ASRGL1: variants seen among roughly 807,000 people sequenced by gnomAD.
ASRGL1 encodes the protein isoaspartyl peptidase/L-asparaginase.
Under a neutral mutation model 22.4 loss-of-function variants are expected in ASRGL1, and 16 were observed. The ratio of observed to expected loss-of-function variants is 0.71; its 90% CI spans 0.48 to 1.08. The LOEUF is 1.08. Ranked by LOEUF, ASRGL1 falls within the 50% of genes least tolerant of loss-of-function variation. The probability of loss-of-function intolerance (pLI) is 0.00; values close to 1 mark genes in which losing one functional copy is unlikely to be tolerated. For synonymous variants in ASRGL1, 165 were observed against 159.3 expected, an observed-to-expected ratio of 1.04 and a Z score of -0.27; for missense variants, 412 against 410.1, an observed-to-expected ratio of 1.00 and a Z score of -0.04.
intron 4 of ASRGL1, among the ~76,000 whole-genome samples, chr11:62,375,695 A>G (rs1946908408): frequency 6.6e-6 from 1 of 151,660 alleles, no homozygotes; most frequent in South Asian, 2.1e-4. Context: ...ATATTTCAGT[A>G]GGATTATCCA....
intron 4 of ASRGL1, chr11:62,372,288 G>A: frequency 6.2e-7 from 1 of 1,602,004 alleles, no homozygotes; most frequent in African/African-American, 1.3e-5. Context: ...GTTTGCGTTT[G>A]GGGAAAACAA....
chr11:62,365,916 G>T (rs1047222447), intron 4 of ASRGL1, among the ~76,000 whole-genome samples: 1 of 151,740 alleles, frequency 6.6e-6, no homozygotes, highest in Non-Finnish European at 1.5e-5. Context: ...ATTGTGAGAT[G>T]ATAGGTATGT....
chr11:62,362,815 C>T (rs1420707984), intron 4 of ASRGL1, among the ~76,000 whole-genome samples: 1 of 72,026 alleles, frequency 1.4e-5, no homozygotes, highest in Non-Finnish European at 2.5e-5. Flanking sequence ...ATCTGACATA[C>T]ACACACACAC....
intron 2 of ASRGL1, among the ~76,000 whole-genome samples, chr11:62,355,407 A>T (rs894776721): frequency 4.2e-4 from 63 of 150,678 alleles, no homozygotes; most frequent in African/African-American, 1.5e-3. Flanking sequence ...TTGGATTTTT[A>T]GTAGAGACGG....
intron 4 of ASRGL1, among the ~76,000 whole-genome samples, chr11:62,358,490 A>G (rs1946359159): frequency 6.6e-6 from 1 of 151,648 alleles, no homozygotes; most frequent in African/African-American, 2.4e-5. Flanking sequence ...TGCATGATTT[A>G]CGTTCATTTT....
chr11:62,382,891 G>A (rs1947107196), intron 4 of ASRGL1: 1 of 152,160 alleles, frequency 6.6e-6, no homozygotes, highest in South Asian at 2.1e-4. Flanking sequence ...TTTTAACAAA[G>A]CACAGCCTGC....
At chr11:62,348,911 C>T (rs1037493206) in intron 2 of ASRGL1, among the ~76,000 whole-genome samples, 1 of 151,978 alleles carries the variant, frequency 6.6e-6, no homozygotes, top group Non-Finnish European at 1.5e-5. Flanking sequence ...GTGTCTACAC[C>T]TCATTAGAAT....
chr11:62,365,368 A>C (rs984245858), intron 4 of ASRGL1, among the ~76,000 whole-genome samples: 4 of 151,836 alleles, frequency 2.6e-5, no homozygotes, highest in Admixed American at 2.0e-4. Flanking sequence ...AGCCTGGCCA[A>C]CATGGTGAAA....
At position 62,384,226 on chromosome 11, in the gene ASRGL1, C is replaced by T. The variant is rs563402168; in HGVS notation, c.492-4907C>T. On this transcript the variant is annotated intron_variant, in intron 4 of 6. Transcript: ENST00000415229. ...TCCGTCTCAAAAACAAAAAAAAGTC[C>T]GGGCGCAGTGGCTCACACCTTTAAT... is the stretch of plus-strand genomic sequence containing the variant. Among the ~76,000 whole-genome samples the T allele has an allele frequency of 2.3e-4, 35 of 152,044 alleles. No homozygotes were observed. In the South Asian group the frequency reaches 4.4e-3, roughly 19 times the overall value.
intron 2 of ASRGL1, among the ~76,000 whole-genome samples, chr11:62,355,517 C>T (rs1946264959): frequency 6.6e-6 from 1 of 152,138 alleles, no homozygotes; most frequent in Non-Finnish European, 1.5e-5. Context: ...AGCCGCTGTG[C>T]CCGGCCAAGA....
In ASRGL1 at chr11:62,356,422, G is replaced by A. The variant is rs1405663333; in HGVS notation, c.288G>A (p.Gln96=). Residue 96 remains glutamine (Q), a synonymous_variant, in exon 3 of 7, where the codon CAG becomes CAA. Coordinates refer to ENST00000415229, the MANE Select transcript of ASRGL1 (RefSeq NM_001083926.2). ...DLSAGAVSAV[Q]CIANPIKLAR... is the part of the protein sequence containing the mutation. Reference sequence around the variant, plus strand: ...CTGCAGGAGCAGTGTCCGCAGTCCAGTGTATAGCAAATCCCATTAAACTTG... The same window carrying A: ...CTGCAGGAGCAGTGTCCGCAGTCCAATGTATAGCAAATCCCATTAAACTTG... 6.2e-7 allele frequency: 1 copy of A among 1,614,264 alleles called. No individual in the cohort carries two copies. The highest frequency in any genetic ancestry group is 8.5e-7 in the Non-Finnish European group (1 of 1,180,036).
intron 5 of ASRGL1, 163 bp from the exon 6 acceptor site, chr11:62,391,359 G>A (rs563920202): frequency 1.1e-5 from 12 of 1,094,456 alleles, no homozygotes; most frequent in South Asian, 5.5e-5. Flanking sequence ...TCTACATGAC[G>A]CTTTCTAGTC....
chr11:62,351,337 C>T (rs1361693431), intron 2 of ASRGL1, among the ~76,000 whole-genome samples: 1 of 152,144 alleles, frequency 6.6e-6, no homozygotes, highest in African/African-American at 2.4e-5. Context: ...TTTATTCTTT[C>T]TTCCTTCCCA....
At chr11:62,400,167 C>G in the ASRGL1 span, among the ~76,000 whole-genome samples, 1 of 152,226 alleles carries the variant, frequency 6.6e-6, no homozygotes, top group African/African-American at 2.4e-5. Flanking sequence ...CCCCCACTGC[C>G]CCCCAGGATA....
At chr11:62,368,546 GAGAC>G (rs1946676830) in intron 4 of ASRGL1, among the ~76,000 whole-genome samples, 1 of 152,158 alleles carries the variant, frequency 6.6e-6, no homozygotes, top group Non-Finnish European at 1.5e-5. Flanking sequence ...GGTGGGACGA[GAGAC>G]AGAGAAAAGA....
intron 4 of ASRGL1, among the ~76,000 whole-genome samples, chr11:62,375,437 T>TATATAC (rs1946892690): frequency 1.5e-4 from 2 of 13,270 alleles, no homozygotes; most frequent in African/African-American, 8.6e-4. Context: ...TTTATATATA[T>TATATAC]ATATATATAT....
chr11:62,374,183 C>T (rs1457535165), intron 4 of ASRGL1, among the ~76,000 whole-genome samples: 1 of 152,206 alleles, frequency 6.6e-6, no homozygotes, highest in Non-Finnish European at 1.5e-5. Flanking sequence ...CCTTTAGTCA[C>T]GTTTGCTTGG....
chr11:62,394,593 G>GA (rs1228453912), downstream of ASRGL1, among the ~76,000 whole-genome samples: 1 of 151,974 alleles, frequency 6.6e-6, no homozygotes, highest in Non-Finnish European at 1.5e-5. Flanking sequence ...TAAGGAGATA[G>GA]AAAAAAGGAA....
intron 4 of ASRGL1, among the ~76,000 whole-genome samples, chr11:62,377,209 G>T (rs532654622): frequency 2.2e-4 from 33 of 152,272 alleles, no homozygotes; most frequent in African/African-American, 7.9e-4. Flanking sequence ...TTGTTCATTT[G>T]CTTTAGTTAA....
Sources: gnomAD v4.1 joint callset for allele counts (sites outside exome capture counted in the v4.1 genomes callset) on GRCh38, gnomAD v4.1.1 for gene constraint, MANE v1.5 for transcripts, NCBI Gene and HGNC (gene_info 2026-07-23, HGNC 2026-07-21) for gene names.